The following NEBL variants were observed in gnomAD, a reference collection of about 807,000 sequenced individuals.
NEBL encodes LIM and SH3 protein 2.
Under a neutral mutation model 140.2 loss-of-function variants are expected in NEBL, and 122 were observed. The ratio of observed to expected loss-of-function variants is 0.87; its 90% CI spans 0.75 to 1.01. The LOEUF (loss-of-function observed/expected upper bound fraction) is 1.01, where lower values mean the gene tolerates loss of function less well. NEBL is among the 50% of genes least tolerant of loss of function. NEBL has a pLI of 0.00. For synonymous variants in NEBL, 436 were observed against 398.9 expected (o/e 1.09, Z -1.11); for missense variants, 1,365 against 1,231.3 (o/e 1.11, Z -1.62).
chr10:21,084,624 A>G (rs777985773), intron 2 of NEBL, among the ~76,000 whole-genome samples: 3 of 152,188 alleles, frequency 2.0e-5, no homozygotes, highest in Non-Finnish European at 4.4e-5. Context: ...ATAAAAATAA[A>G]AAACAGCAAC....
intron 4 of NEBL, among the ~76,000 whole-genome samples, chr10:20,960,483 T>C (rs1425671268): frequency 6.6e-6 from 1 of 152,058 alleles, no homozygotes; most frequent in Non-Finnish European, 1.5e-5. Flanking sequence ...CCTACTAATA[T>C]AAAATGTCCA....
chr10:20,997,924 A>C (rs1314258887), intron 3 of NEBL, among the ~76,000 whole-genome samples: 4 of 152,208 alleles, frequency 2.6e-5, no homozygotes, highest in African/African-American at 9.7e-5. Context: ...TTGACCTCCA[A>C]ATGAAAAGTT....
chr10:20,859,582 T>C (rs1046741803), intron 8 of NEBL, 131 bp downstream of exon 8: 4 of 611,874 alleles, frequency 6.5e-6, no homozygotes, highest in Non-Finnish European at 1.2e-5. Context: ...AGAAAAAGCT[T>C]TAGAAAAATA....
At position 21,003,995 on chromosome 10, in the gene NEBL, G is replaced by A. The variant is rs187144865; in HGVS notation, c.249+16122C>T. Among the ~76,000 whole-genome samples, 13 of 152,220 alleles carry A rather than the reference G, an allele frequency of 8.5e-5. No individual in the cohort carries two copies. The South Asian group carries it at 1.5e-3, about 17-fold the overall frequency. ...CATGAATGTATCAAATGTGTATCACGGCTAAAAATTCTGGTTTGATTCCTG... is the reference window on the plus strand; with the variant it reads ...CATGAATGTATCAAATGTGTATCACAGCTAAAAATTCTGGTTTGATTCCTG... On this transcript the variant is annotated intron_variant, in intron 3 of 6. Transcript: ENST00000417816.
chr10:21,182,199 C>T (rs1191052779), intron 3 of NEBL, among the ~76,000 whole-genome samples: 10 of 150,580 alleles, frequency 6.6e-5, no homozygotes, highest in African/African-American at 2.2e-4. Flanking sequence ...GGGTTGGGCA[C>T]GGTGGCTCAC....
chr10:20,808,681 T>C (rs778201043), intron 25 of NEBL, 22 bp from the exon 26 acceptor site: 10 of 1,606,900 alleles, frequency 6.2e-6, no homozygotes, highest in Non-Finnish European at 8.5e-6. Flanking sequence ...GGAAAATATT[T>C]ACACGTGTGA....
At chr10:20,837,365 C>A (rs765519457) in intron 13 of NEBL, among the ~76,000 whole-genome samples, 1 of 152,186 alleles carries the variant, frequency 6.6e-6, no homozygotes, top group African/African-American at 2.4e-5. Flanking sequence ...ATTCCAGACA[C>A]AACATCCCCT....
At chr10:20,831,876 A>C (rs1286152025) in intron 14 of NEBL, among the ~76,000 whole-genome samples, 1 of 152,180 alleles carries the variant, frequency 6.6e-6, no homozygotes, top group Non-Finnish European at 1.5e-5. Context: ...TTGATATATT[A>C]TTGGGTCATA....
intron 7 of NEBL, chr10:20,868,458 A>G (rs1002496948): frequency 4.9e-5 from 27 of 553,984 alleles, no homozygotes; most frequent in African/African-American, 3.6e-4. Context: ...AGAAAAGAAA[A>G]CTTTGTTTTA....
upstream of NEBL, among the ~76,000 whole-genome samples, chr10:21,175,330 G>A (rs1841273129): frequency 2.6e-5 from 4 of 152,262 alleles, no homozygotes; most frequent in South Asian, 8.3e-4. Flanking sequence ...CAGCAGTTCC[G>A]AACTGCTTCA....
chr10:20,861,559 G>A (rs1220107346), intron 7 of NEBL, among the ~76,000 whole-genome samples: 2 of 152,088 alleles, frequency 1.3e-5, no homozygotes, highest in Admixed American at 1.3e-4. Context: ...TAAGTTTGTA[G>A]TGCCTAAAGG....
At chr10:21,171,367 G>A (rs368298346) in intron 2 of NEBL, among the ~76,000 whole-genome samples, 2,035 of 146,912 alleles carry the variant, frequency 0.014, 44 homozygotes, top group African/African-American at 0.048. Context: ...AAAAAAGAAA[G>A]AAAGGAAAAG....
At position 21,173,653 on chromosome 10, in the gene NEBL, C is replaced by T; in HGVS notation, c.69+112G>A. On this transcript the variant is annotated intron_variant, in intron 1 of 6. Coordinates refer to the NEBL transcript ENST00000417816. This position sits in a 1 kb window ranked among gnomAD's most constrained non-coding sequence, Gnocchi z 5.7. ...CGCCCTCCCCCCGTGCCAAGGCACACGCACACGCACCGACCCACTCATTGC... is the reference window on the plus strand; with the variant it reads ...CGCCCTCCCCCCGTGCCAAGGCACATGCACACGCACCGACCCACTCATTGC... 1 of 1,553,314 alleles carries T rather than the reference C, an allele frequency of 6.4e-7. No homozygotes were observed. The highest frequency in any genetic ancestry group is 8.8e-7 in the Non-Finnish European group (1 of 1,141,316).
chr10:21,185,487 C>CTTTTT (rs10612676), intron 3 of NEBL, among the ~76,000 whole-genome samples: 2 of 72,050 alleles, frequency 2.8e-5, no homozygotes, highest in Non-Finnish European at 4.7e-5. Flanking sequence ...ATTTTCTTTC[C>CTTTTT]TTTTTTTTTT....
intron 22 of NEBL, 84 bp from the exon 23 acceptor site, chr10:20,814,127 A>C (rs1443085368): frequency 1.2e-6 from 1 of 845,908 alleles, no homozygotes; most frequent in African/African-American, 1.7e-5. Context: ...AGTGAAACAT[A>C]TGCAACATAC....
intron 1 of NEBL, among the ~76,000 whole-genome samples, chr10:21,269,721 G>A (rs7898946): frequency 6.6e-6 from 1 of 151,956 alleles, no homozygotes; most frequent in Non-Finnish European, 1.5e-5. Context: ...TGTTGTTTAT[G>A]GAGATTTGCT....
intron 4 of NEBL, among the ~76,000 whole-genome samples, chr10:20,887,170 T>C (rs1846595795): frequency 6.6e-6 from 1 of 152,212 alleles, no homozygotes; most frequent in Non-Finnish European, 1.5e-5. Flanking sequence ...GAATGCCTTA[T>C]GTGTTGATAT....
Position 20,977,017 on chromosome 10 carries a change from T to C in NEBL, c.250-15238A>G, listed in dbSNP as rs11012434. 0.023 allele frequency among the ~76,000 whole-genome samples: 3,551 copies of C among 152,038 alleles called. 400 individuals are homozygous for C. In the East Asian group the frequency reaches 0.36, roughly 15 times the overall value. ...CACTAGGCTTTCTGTAATACACATA[T>C]GTGAAGAGATACTGGCATTAATAAA... On this transcript the variant is annotated intron_variant, in intron 3 of 6. Coordinates refer to the NEBL transcript ENST00000417816.
chr10:21,164,302 G>A (rs1840672142), intron 2 of NEBL, among the ~76,000 whole-genome samples: 1 of 152,112 alleles, frequency 6.6e-6, no homozygotes, highest in East Asian at 1.9e-4. Flanking sequence ...GAGACTTAAA[G>A]GAGTTCTAAG....
Sources: allele counts gnomAD v4.1 joint callset (sites outside exome capture counted in the v4.1 genomes callset), GRCh38; gene constraint gnomAD v4.1.1; non-coding constraint Gnocchi (gnomAD v3.1); transcripts MANE v1.5; gene names NCBI Gene and HGNC (gene_info 2026-07-23, HGNC 2026-07-21).